SMAD4: variants seen among roughly 807,000 people sequenced by gnomAD.
SMAD4 encodes SMAD family member 4.
A neutral mutation model predicts 63.2 loss-of-function variants in SMAD4; 7 were observed. That is an observed-to-expected ratio of 0.11 (90% CI 0.06 to 0.21). The LOEUF (loss-of-function observed/expected upper bound fraction) is 0.21. Among genes scored for constraint, SMAD4 ranks in the 10% least tolerant of loss-of-function variants. The probability of loss-of-function intolerance (pLI) is 1.00; values close to 1 mark genes in which losing one functional copy is unlikely to be tolerated. For synonymous variants in SMAD4, 215 were observed against 235.4 expected, an observed-to-expected ratio of 0.91 and a Z score of 0.79; for missense variants, 312 against 693.8, an observed-to-expected ratio of 0.45 and a Z score of 6.18.
intron 7 of SMAD4, among the ~76,000 whole-genome samples, 156 bp from the exon 8 acceptor site, chr18:51,059,710 G>C (rs1207446165): frequency 6.6e-6 from 1 of 152,086 alleles, no homozygotes; most frequent in Non-Finnish European, 1.5e-5. Flanking sequence ...AAGACTATTT[G>C]CTTATTGTAA....
rs1910582485 is a variant in SMAD4 at position 51,080,384 on chromosome 18, G to C, written c.*1917G>C. 2 of 231,394 alleles carry C rather than the reference G, an allele frequency of 8.6e-6. No individual in the cohort carries two copies. The highest frequency in any genetic ancestry group is 1.1e-4 in the Admixed American group (2 of 17,730). 14.3% of individuals were successfully genotyped at this position (231,394 alleles called of 1,614,324 possible). A position where few individuals can be genotyped will look rare whatever the true frequency, so the allele number is the denominator to read the frequency against. On this transcript the variant is annotated 3_prime_UTR_variant, in exon 12 of 12. Transcript: ENST00000342988. ...CTTCTGTAAAAGTTTGGTGATTTAA[G>C]TTTTATTGGCAGTTTTATAAAAAGA... is the stretch of plus-strand genomic sequence containing the variant.
intron 8 of SMAD4, 48 bp downstream of exon 8, chr18:51,059,964 G>A: frequency 7.0e-7 from 1 of 1,424,080 alleles, no homozygotes; most frequent in Non-Finnish European, 9.9e-7. Context: ...TGATTTAGTG[G>A]TGATTGAAAC....
chr18:51,045,660 A>G (rs988131948), intron 1 of SMAD4, among the ~76,000 whole-genome samples: 2 of 152,220 alleles, frequency 1.3e-5, no homozygotes, highest in Non-Finnish European at 2.9e-5. Context: ...ATACCATAAA[A>G]TTCACTATTT....
intron 1 of SMAD4, among the ~76,000 whole-genome samples, chr18:51,031,188 C>T (rs974589565): frequency 1.3e-5 from 2 of 152,238 alleles, no homozygotes; most frequent in South Asian, 4.1e-4. Context: ...TCCTTGCCCC[C>T]AATAAAACAT....
At chr18:51,048,914 A>G (rs2144406651) in intron 3 of SMAD4, 54 bp downstream of exon 3, 1 of 1,475,246 alleles carries the variant, frequency 6.8e-7, no homozygotes, top group Non-Finnish European at 9.5e-7. Flanking sequence ...GGATCTCAAT[A>G]GTGTTTCAAT....
chr18:51,071,052 A>C (rs148628745), intron 10 of SMAD4, among the ~76,000 whole-genome samples: 9 of 152,212 alleles, frequency 5.9e-5, no homozygotes, highest in Non-Finnish European at 1.0e-4. Flanking sequence ...GTCTTGGAAC[A>C]TATCCCCCAT....
rs1042810105 is a variant in SMAD4, at chr18:51,081,331, C to T, written c.*2864C>T. 8.7e-6 allele frequency: 2 copies of T among 228,740 alleles called. No individual in the cohort carries two copies. The highest frequency in any genetic ancestry group is 4.4e-5 in the African/African-American group (2 of 45,046). 14.2% of individuals were successfully genotyped at this position (228,740 alleles called of 1,614,324 possible). On this transcript the variant is annotated 3_prime_UTR_variant, in exon 12 of 12. Transcript: ENST00000342988. ...ACCTCATTCCATGTTTGTCCAGTGC[C>T]TTTCAGTGCATTATCAAAGGGAATC...
chr18:51,082,713 C>G lies in SMAD4; in HGVS notation c.*4246C>G. 1 of 231,068 alleles carries G rather than the reference C, an allele frequency of 4.3e-6. No individual in the cohort carries two copies. Among genetic ancestry groups the G allele is most frequent in the Non-Finnish European group, 8.6e-6 (1 of 116,906 alleles). 14.3% of individuals were successfully genotyped at this position (231,068 alleles called of 1,614,324 possible). A position where few individuals can be genotyped will look rare whatever the true frequency, so the allele number is the denominator to read the frequency against. The stretch of plus-strand genomic sequence containing the variant: ...GCCTTTACTAAATGGTCTGAGACAG[C>G]TATGGTTTTGAATTTTTAGTTTTTT... On this transcript the variant is annotated 3_prime_UTR_variant, in exon 12 of 12. Transcript: ENST00000342988.
At chr18:51,077,523 A>C in intron 11 of SMAD4, 1 of 222,278 alleles carries the variant, frequency 4.5e-6, no homozygotes, top group Non-Finnish European at 7.6e-6. Flanking sequence ...TGATGAATGC[A>C]GATGGACTAT....
At chr18:51,033,550 T>C (rs1314622786) in intron 1 of SMAD4, among the ~76,000 whole-genome samples, 1 of 152,230 alleles carries the variant, frequency 6.6e-6, no homozygotes, top group Non-Finnish European at 1.5e-5. Flanking sequence ...TGTTCAACAG[T>C]TGATGAAGTC....
rs558240254 is a variant in SMAD4, at chr18:51,036,896, G to A, written c.-128+6273G>A. Among the ~76,000 whole-genome samples, 17 of 152,276 alleles carry A rather than the reference G, an allele frequency of 1.1e-4. No homozygotes were observed. The South Asian group carries it at 3.5e-3, about 32-fold the overall frequency. ...AATGAGGCCGGGTGCGGTGACTCACGCCTGTAATCTCAGCACTTTGGGAGG... is the reference window on the plus strand; with the variant it reads ...AATGAGGCCGGGTGCGGTGACTCACACCTGTAATCTCAGCACTTTGGGAGG... On this transcript the variant is annotated intron_variant, in intron 1 of 11. Coordinates refer to ENST00000342988, the MANE Select transcript of SMAD4 (RefSeq NM_005359.6).
intron 2 of SMAD4, 147 bp from the exon 3 acceptor site, chr18:51,048,539 C>A: frequency 1.3e-6 from 1 of 744,538 alleles, no homozygotes. Flanking sequence ...ATGACATGGC[C>A]AAGTTAGTTA....
rs915221913 is a variant in SMAD4 at position 51,081,465 on chromosome 18, T to A, written c.*2998T>A. On this transcript the variant is annotated 3_prime_UTR_variant, in exon 12 of 12. Transcript: ENST00000342988. ...TACAAAGATAATGACAATAAATCAC[T>A]GCCATATAACCTTGCTTTTTCCAGA... 6 of 231,068 alleles carry A rather than the reference T, an allele frequency of 2.6e-5. No individual in the cohort carries two copies. The highest frequency in any genetic ancestry group is 1.3e-4 in the African/African-American group (6 of 45,220). The allele number at this position is 231,068 out of a possible 1,614,324, so 14.3% of individuals were successfully genotyped here. A position where few individuals can be genotyped will look rare whatever the true frequency, so the allele number is the denominator to read the frequency against.
intron 1 of SMAD4, among the ~76,000 whole-genome samples, chr18:51,031,363 A>G (rs1419766588): frequency 6.6e-6 from 1 of 152,206 alleles, no homozygotes; most frequent in Non-Finnish European, 1.5e-5. Flanking sequence ...TTAACCTGAA[A>G]GGTTTATTTG....
intron 1 of SMAD4, among the ~76,000 whole-genome samples, chr18:51,031,823 T>C (rs1321223936): frequency 6.6e-6 from 1 of 152,180 alleles, no homozygotes; most frequent in Non-Finnish European, 1.5e-5. Flanking sequence ...AAATTACTTT[T>C]GCCATACCCT....
intron 1 of SMAD4, among the ~76,000 whole-genome samples, chr18:51,040,763 A>G (rs1909354456): frequency 6.6e-6 from 1 of 152,234 alleles, no homozygotes; most frequent in African/African-American, 2.4e-5. Context: ...GAGGAAAAAC[A>G]ACAGGCAGAT....
intron 8 of SMAD4, 45 bp downstream of exon 8, chr18:51,059,961 G>A (rs374180101): frequency 4.1e-6 from 6 of 1,461,092 alleles, no homozygotes; most frequent in African/African-American, 2.8e-5. Flanking sequence ...GATTGATTTA[G>A]TGGTGATTGA....
intron 9 of SMAD4, 114 bp downstream of exon 9, chr18:51,065,720 G>C (rs1910131604): frequency 3.8e-6 from 3 of 797,692 alleles, no homozygotes. Flanking sequence ...TATAAATAAA[G>C]GAATAAAGGT....
rs867115520 is a variant in SMAD4 at position 51,073,404 on chromosome 18, C to T, written c.1309-3234C>T. ...ATATATATATACACACACACACACA[C>T]ACACACACACACACACACACACACA... On this transcript the variant is annotated intron_variant, in intron 10 of 11. Coordinates refer to ENST00000342988, the MANE Select transcript of SMAD4 (RefSeq NM_005359.6). 2.6e-3 allele frequency among the ~76,000 whole-genome samples: 355 copies of T among 133,964 alleles called. 1 individual carries two copies. Among genetic ancestry groups the T allele is most frequent in the South Asian group, 0.013 (53 of 3,956 alleles). The allele number at this position is 133,964 out of a possible 152,430, so 87.9% of individuals were successfully genotyped here.
Sources: allele counts gnomAD v4.1 joint callset (sites outside exome capture counted in the v4.1 genomes callset), GRCh38; gene constraint gnomAD v4.1.1; transcripts MANE v1.5; gene names NCBI Gene and HGNC (gene_info 2026-07-23, HGNC 2026-07-21).